SH3PXD2A: variants seen among roughly 807,000 people sequenced by gnomAD.
SH3PXD2A encodes SH3 and PX domain-containing protein 2A.
SH3PXD2A carries 32 observed loss-of-function variants against 115.2 expected under a neutral mutation model. The ratio of observed to expected loss-of-function variants is 0.28; its 90% CI spans 0.21 to 0.37. The LOEUF (loss-of-function observed/expected upper bound fraction) is 0.37. SH3PXD2A is among the 10% of genes least tolerant of loss of function. The pLI is 1.00. For synonymous variants in SH3PXD2A, 610 were observed against 629.1 expected (o/e 0.97, Z 0.45); for missense variants, 1,328 against 1,498.7 (o/e 0.89, Z 1.88).
chr10:103,717,765 C>T (rs977577766), intron 5 of SH3PXD2A, among the ~76,000 whole-genome samples: 1 of 152,226 alleles, frequency 6.6e-6, no homozygotes, highest in Non-Finnish European at 1.5e-5. Context: ...TCCTGCCGGG[C>T]CAGTTTGGGC....
rs1221219347 is a variant in SH3PXD2A, at chr10:103,703,120, A to C, written c.399-10064T>G. ...CCATGGAGGCCAAGGAGCCCACCCA[A>C]AGTCAGGCTGTGCTTGTTTCTGCCT... is the stretch of plus-strand genomic sequence containing the variant. On this transcript the variant is annotated intron_variant, in intron 5 of 14. Coordinates refer to ENST00000369774, the MANE Select transcript of SH3PXD2A (RefSeq NM_001394015.1). Among the ~76,000 whole-genome samples, 3 of 152,196 alleles carry C rather than the reference A, an allele frequency of 2.0e-5. No homozygotes were observed. In the East Asian group the frequency reaches 5.8e-4, roughly 29 times the overall value.
chr10:103,826,173 G>A (rs1196486492), intron 1 of SH3PXD2A, among the ~76,000 whole-genome samples: 1 of 152,134 alleles, frequency 6.6e-6, no homozygotes, highest in African/African-American at 2.4e-5. Context: ...AAATTGGCCT[G>A]CTTTGCACAT....
intron 6 of SH3PXD2A, among the ~76,000 whole-genome samples, chr10:103,686,835 C>A (rs913589028): frequency 6.6e-6 from 1 of 151,338 alleles, no homozygotes; most frequent in Non-Finnish European, 1.5e-5. Flanking sequence ...GCAACCTCCA[C>A]CTCCTGGGTT....
intron 6 of SH3PXD2A, among the ~76,000 whole-genome samples, chr10:103,684,687 C>A (rs992410608): frequency 2.8e-4 from 42 of 152,000 alleles, no homozygotes; most frequent in African/African-American, 1.0e-3. Context: ...AACTTATGGG[C>A]GGGTCTTGCT....
At chr10:103,650,952 C>T (rs1234109673) in intron 8 of SH3PXD2A, among the ~76,000 whole-genome samples, 1 of 152,246 alleles carries the variant, frequency 6.6e-6, no homozygotes, top group Non-Finnish European at 1.5e-5. Context: ...CCACAGGGCA[C>T]ACAGTAGATG....
intron 6 of SH3PXD2A, among the ~76,000 whole-genome samples, chr10:103,682,373 G>T (rs1319019212): frequency 6.6e-6 from 1 of 152,220 alleles, no homozygotes; most frequent in African/African-American, 2.4e-5. Flanking sequence ...AATCAATCAG[G>T]CTCCTTTCAT....
At chr10:103,778,170 A>AT (rs2038898138) in intron 2 of SH3PXD2A, among the ~76,000 whole-genome samples, 1 of 152,246 alleles carries the variant, frequency 6.6e-6, no homozygotes, top group African/African-American at 2.4e-5. Flanking sequence ...TCTACTAAAA[A>AT]TTAAAAAAAA....
intron 2 of SH3PXD2A, among the ~76,000 whole-genome samples, chr10:103,801,078 A>C (rs2134263897): frequency 6.6e-6 from 1 of 152,298 alleles, no homozygotes; most frequent in African/African-American, 2.4e-5. Flanking sequence ...AGAGGAGGCC[A>C]ACAAAGTCCT....
At chr10:103,831,174 CAG>C (rs2039479543) in intron 1 of SH3PXD2A, among the ~76,000 whole-genome samples, 1 of 152,184 alleles carries the variant, frequency 6.6e-6, no homozygotes, top group South Asian at 2.1e-4. Context: ...TAAATGGTAT[CAG>C]AGATAATATT....
chr10:103,603,723 C>G lies in SH3PXD2A; in HGVS notation c.1495G>C (p.Ala499Pro). 6.2e-7 allele frequency: 1 copy of G among 1,610,756 alleles called. No homozygotes were observed. The highest frequency in any genetic ancestry group is 8.5e-7 in the Non-Finnish European group (1 of 1,179,810). ...TTCTTGCGCTTATCGATGTATGATG[C>G]GGGGGCCCAGCCCTCCTTCTCACCG... ...QIGEKEGWAP[A>P]SYIDKRKKPN... The change falls in exon 15 of 15, where the codon GCA (alanine) becomes CCA (proline). Residue 499 changes from alanine (A) to proline (P), a missense_variant. Around this residue, in one of 5 missense-constraint regions of SH3PXD2A, gnomAD observed 509 missense variants for 628.3 expected, o/e 0.81. Coordinates refer to ENST00000369774, the MANE Select transcript of SH3PXD2A (RefSeq NM_001394015.1).
chr10:103,818,377 C>T (rs970614674), intron 1 of SH3PXD2A, among the ~76,000 whole-genome samples: 1 of 152,158 alleles, frequency 6.6e-6, no homozygotes, highest in Non-Finnish European at 1.5e-5. Context: ...ATCACATTGC[C>T]CATCACCAAC....
At chr10:103,831,049 CTG>C (rs2039478322) in intron 1 of SH3PXD2A, among the ~76,000 whole-genome samples, 1 of 152,234 alleles carries the variant, frequency 6.6e-6, no homozygotes, top group African/African-American at 2.4e-5. Flanking sequence ...TCCTTCCAGT[CTG>C]TGTTTGCATG....
At chr10:103,826,891 T>G (rs1056910451) in intron 1 of SH3PXD2A, among the ~76,000 whole-genome samples, 1 of 152,170 alleles carries the variant, frequency 6.6e-6, no homozygotes, top group Non-Finnish European at 1.5e-5. Context: ...AAGGGTAGCA[T>G]GGTCACCATT....
rs144293504 is a variant in SH3PXD2A, at chr10:103,827,606, C to T, written c.73-26244G>A. On this transcript the variant is annotated intron_variant, in intron 1 of 14. Transcript: ENST00000369774. ...GGTACATAGCACACCGCCTGGCACA[C>T]CACATTCTCAGTGCACCGTGACTTC... Among the ~76,000 whole-genome samples the T allele has an allele frequency of 2.5e-3, 384 of 152,296 alleles. 3 individuals are homozygous for T. The highest frequency in any genetic ancestry group is 8.5e-3 in the African/African-American group (355 of 41,542).
intron 14 of SH3PXD2A, among the ~76,000 whole-genome samples, 193 bp downstream of exon 14, chr10:103,605,605 G>A (rs1250767548): frequency 6.6e-6 from 1 of 152,222 alleles, no homozygotes; most frequent in Non-Finnish European, 1.5e-5. Flanking sequence ...GGTGGAGCGT[G>A]AGAGCTGGGA....
intron 1 of SH3PXD2A, among the ~76,000 whole-genome samples, chr10:103,806,198 GC>G (rs928291636): frequency 2.6e-5 from 4 of 152,002 alleles, no homozygotes; most frequent in African/African-American, 9.7e-5. Context: ...TTTGCCAGAG[GC>G]CCCCCAGCCT....
chr10:103,811,478 T>C (rs2039270293), intron 1 of SH3PXD2A, among the ~76,000 whole-genome samples: 1 of 152,240 alleles, frequency 6.6e-6, no homozygotes, highest in Admixed American at 6.5e-5. Context: ...TCGTCTCCAG[T>C]TCATAAGTGA....
chr10:103,616,763 A>G (rs1490458861), intron 11 of SH3PXD2A, among the ~76,000 whole-genome samples: 1 of 147,060 alleles, frequency 6.8e-6, no homozygotes, highest in African/African-American at 2.6e-5. Flanking sequence ...CTCCCTGAGT[A>G]CTGAGCCTGG....
rs1325727833 is a variant in SH3PXD2A, at chr10:103,855,321, G to A, written c.-55C>T. 36 of 1,389,732 alleles carry A rather than the reference G, an allele frequency of 2.6e-5. No homozygotes were observed. Among genetic ancestry groups the A allele is most frequent in the Non-Finnish European group, 3.4e-5 (35 of 1,029,102 alleles). The allele number at this position is 1,389,732 out of a possible 1,614,324, so 86.1% of individuals were successfully genotyped here. A position where few individuals can be genotyped will look rare whatever the true frequency, so the allele number is the denominator to read the frequency against. ...GCGGCGTCACCTTCTCATCCCGGCC[G>A]GGCTCCGGCTCCTTCTCCAGCTGCC... On this transcript the variant is annotated 5_prime_UTR_variant, in exon 1 of 15. Transcript: ENST00000369774.
Sources: allele counts gnomAD v4.1 joint callset (sites outside exome capture counted in the v4.1 genomes callset), GRCh38; gene constraint gnomAD v4.1.1; regional missense constraint gnomAD v4.1.1; transcripts MANE v1.5; gene names NCBI Gene and HGNC (gene_info 2026-07-23, HGNC 2026-07-21).